Variants in NCMAP observed in about 807,000 individuals in gnomAD.
NCMAP encodes non-compact myelin associated protein, also known as noncompact myelin-associated protein.
NCMAP carries 8 observed loss-of-function variants against 7.8 expected under a neutral mutation model. The ratio of observed to expected loss-of-function variants is 1.02; its 90% CI spans 0.60 to 1.84. The LOEUF (loss-of-function observed/expected upper bound fraction) is 1.84, where lower values mean the gene tolerates loss of function less well. Among genes scored for constraint, NCMAP ranks in the 40% most tolerant of loss-of-function variants. NCMAP has a pLI of 0.00. For synonymous variants in NCMAP, 41 were observed against 52.9 expected, an observed-to-expected ratio of 0.78 and a Z score of 0.98; for missense variants, 112 against 131.4, an observed-to-expected ratio of 0.85 and a Z score of 0.72.
intron 1 of NCMAP, among the ~76,000 whole-genome samples, chr1:24,560,568 G>A (rs939674833): frequency 6.6e-6 from 1 of 152,108 alleles, no homozygotes; most frequent in Non-Finnish European, 1.5e-5. Flanking sequence ...AACATAGGGA[G>A]ACCCTGTCTC....
At chr1:24,602,022 C>G (rs895253447) in intron 3 of NCMAP, among the ~76,000 whole-genome samples, 2 of 141,306 alleles carry the variant, frequency 1.4e-5, no homozygotes, top group South Asian at 4.6e-4. Context: ...TGCTGGGTGA[C>G]GGAGCGAAAC....
intron 2 of NCMAP, among the ~76,000 whole-genome samples, chr1:24,596,895 G>A (rs1015013560): frequency 5.9e-5 from 9 of 152,152 alleles, no homozygotes; most frequent in African/African-American, 1.4e-4. Context: ...GGAGACGCTT[G>A]GGTGTGTGTC....
chr1:24,578,637 A>G (rs372229485), intron 1 of NCMAP, among the ~76,000 whole-genome samples: 11 of 141,608 alleles, frequency 7.8e-5, no homozygotes, highest in Admixed American at 1.5e-4. Flanking sequence ...ATCACAGCTC[A>G]CTGCAGCCTC....
intron 1 of NCMAP, chr1:24,563,604 C>T (rs144916272): frequency 5.3e-5 from 8 of 151,642 alleles, no homozygotes; most frequent in African/African-American, 1.9e-4. Flanking sequence ...CTTTGTGACT[C>T]TCACAAGAAC....
intron 2 of NCMAP, among the ~76,000 whole-genome samples, chr1:24,597,844 T>C (rs946600823): frequency 2.0e-5 from 3 of 152,274 alleles, no homozygotes; most frequent in Non-Finnish European, 2.9e-5. Flanking sequence ...TGTCATACAA[T>C]ATTTGAGATG....
chr1:24,557,647 G>T (rs972610281), intron 1 of NCMAP, among the ~76,000 whole-genome samples: 6 of 152,156 alleles, frequency 3.9e-5, no homozygotes, highest in Admixed American at 3.9e-4. Flanking sequence ...GGGGACAGAA[G>T]GGCAGCCAAG....
chr1:24,556,833 T>G (rs1466221184), intron 1 of NCMAP, among the ~76,000 whole-genome samples: 1 of 151,904 alleles, frequency 6.6e-6, no homozygotes, highest in South Asian at 2.1e-4. Context: ...TGGGAGAAGA[T>G]TCTGGAAGGC....
rs1259234514 is a variant in NCMAP, at chr1:24,607,876, A to G, written c.*2129A>G. On this transcript the variant is annotated 3_prime_UTR_variant, in exon 4 of 4. Transcript: ENST00000374392. ...GAAACTGCATCTCAAAAAAAGAAAA[A>G]TCCATTATGAGGGGAAATCAAGAGT... 1.3e-5 allele frequency: 2 copies of G among 152,332 alleles called. No homozygotes were observed. Among genetic ancestry groups the G allele is most frequent in the Non-Finnish European group, 2.9e-5 (2 of 68,150 alleles). 9.4% of individuals were successfully genotyped at this position (152,332 alleles called of 1,614,324 possible).
intron 1 of NCMAP, among the ~76,000 whole-genome samples, chr1:24,581,415 C>T (rs1651742033): frequency 6.6e-6 from 1 of 152,218 alleles, no homozygotes; most frequent in African/African-American, 2.4e-5. Flanking sequence ...CTGTGACCGG[C>T]CCCTGCTTTC....
At chr1:24,595,659 A>G (rs1652199309) in intron 2 of NCMAP, 147 bp downstream of exon 2, 5 of 607,304 alleles carry the variant, frequency 8.2e-6, no homozygotes, top group Non-Finnish European at 1.5e-5. Flanking sequence ...AGCATTAATG[A>G]CAGACAAAGC....
At chr1:24,580,961 C>G (rs368937973) in intron 1 of NCMAP, among the ~76,000 whole-genome samples, 1 of 152,180 alleles carries the variant, frequency 6.6e-6, no homozygotes, top group East Asian at 1.9e-4. Context: ...ATTGGCGTCT[C>G]TCCAGTGTGG....
At chr1:24,598,195 A>G (rs191209459) in intron 2 of NCMAP, among the ~76,000 whole-genome samples, 2 of 152,286 alleles carry the variant, frequency 1.3e-5, no homozygotes, top group African/African-American at 4.8e-5. Flanking sequence ...GTTTCTTCCT[A>G]TGAATATTTG....
chr1:24,598,798 C>T (rs1652350860), intron 2 of NCMAP, among the ~76,000 whole-genome samples: 1 of 151,398 alleles, frequency 6.6e-6, no homozygotes. Flanking sequence ...CCACCAGGCC[C>T]AGCTAATTTT....
At chr1:24,596,343 C>T (rs1652225665) in intron 2 of NCMAP, among the ~76,000 whole-genome samples, 1 of 152,122 alleles carries the variant, frequency 6.6e-6, no homozygotes, top group South Asian at 2.1e-4. Flanking sequence ...CTAGAAAGCA[C>T]TGAAATTTGA....
Position 24,576,964 on chromosome 1 carries a change from C to T in NCMAP, c.-7-18460C>T, listed in dbSNP as rs1314731807. ...CTAACATGACGAAATCCTGTCTCTACTAAAAGCACACACACACAAAAAAAT... is the reference window on the plus strand; with the variant it reads ...CTAACATGACGAAATCCTGTCTCTATTAAAAGCACACACACACAAAAAAAT... On this transcript the variant is annotated intron_variant, in intron 1 of 3. Transcript: ENST00000374392. The surrounding 1 kb of genome is among the most constrained non-coding windows in gnomAD (Gnocchi z 4.0). Among the ~76,000 whole-genome samples, 2 of 151,890 alleles carry T rather than the reference C, an allele frequency of 1.3e-5. No homozygotes were observed. The highest frequency in any genetic ancestry group is 2.4e-5 in the African/African-American group (1 of 41,338).
At chr1:24,564,530 A>AAAT (rs1240462860) in intron 1 of NCMAP, among the ~76,000 whole-genome samples, 1 of 116,846 alleles carries the variant, frequency 8.6e-6, no homozygotes, top group Non-Finnish European at 1.7e-5. Context: ...AAAAAAAAAA[A>AAAT]AACAAAAAAA....
chr1:24,602,569 CAAAAAAA>C (rs10630961), intron 3 of NCMAP, among the ~76,000 whole-genome samples: 2 of 40,064 alleles, frequency 5.0e-5, no homozygotes, highest in South Asian at 1.2e-3. Context: ...GACTCCATCT[CAAAAAAA>C]AAAAAAAAAA....
At chr1:24,590,358 G>A (rs1480560424) in intron 1 of NCMAP, among the ~76,000 whole-genome samples, 3 of 152,106 alleles carry the variant, frequency 2.0e-5, no homozygotes, top group South Asian at 2.1e-4. Context: ...ACCTTGATCC[G>A]CAGCCACCTA....
intron 1 of NCMAP, among the ~76,000 whole-genome samples, chr1:24,578,533 G>C (rs186174695): frequency 6.7e-6 from 1 of 150,348 alleles, no homozygotes; most frequent in East Asian, 1.9e-4. Context: ...GTTGGGGGAG[G>C]GAGCTTAGTT....
Sources: allele counts gnomAD v4.1 joint callset (sites outside exome capture counted in the v4.1 genomes callset), GRCh38; gene constraint gnomAD v4.1.1; non-coding constraint Gnocchi (gnomAD v3.1); transcripts MANE v1.5; gene names NCBI Gene and HGNC (gene_info 2026-07-23, HGNC 2026-07-21).